CAST: variants seen among roughly 807,000 people sequenced by gnomAD.
CAST encodes the protein calpastatin.
A neutral mutation model predicts 119.6 loss-of-function variants in CAST; 76 were observed. That is an observed-to-expected ratio of 0.64 (90% CI 0.53 to 0.77). The LOEUF (loss-of-function observed/expected upper bound fraction) is 0.77. Among genes scored for constraint, CAST ranks in the 30% least tolerant of loss-of-function variants. The probability of loss-of-function intolerance (pLI) is 0.00; values close to 1 mark genes in which losing one functional copy is unlikely to be tolerated. For missense variants in CAST, 953 were observed against 946.5 expected, an observed-to-expected ratio of 1.01 and a Z score of -0.09; for synonymous variants, 319 against 331.6, an observed-to-expected ratio of 0.96 and a Z score of 0.41.
the CAST span, among the ~76,000 whole-genome samples, chr5:96,344,373 A>G: frequency 1.3e-5 from 2 of 152,056 alleles, no homozygotes; most frequent in African/African-American, 2.4e-5. Flanking sequence ...TTTTTTTCTC[A>G]TGTACTAATG....
chr5:96,426,265 G>C, the CAST span, among the ~76,000 whole-genome samples: 1 of 152,136 alleles, frequency 6.6e-6, no homozygotes, highest in East Asian at 1.9e-4. Flanking sequence ...TTTATATTGA[G>C]GTTTCAGGGC....
chr5:96,266,834 G>C, the CAST span, among the ~76,000 whole-genome samples: 1 of 152,124 alleles, frequency 6.6e-6, no homozygotes, highest in Non-Finnish European at 1.5e-5. Context: ...AGAAACCAGT[G>C]ACTGACCACA....
chr5:96,546,732 C>T (rs6556933), intron 1 of CAST, among the ~76,000 whole-genome samples: 67,276 of 151,928 alleles, frequency 0.44, 15,684 homozygotes, highest in East Asian at 0.86. Context: ...CACTCAAATC[C>T]GGCATATAAT....
At chr5:96,560,242 C>T (rs961104523) in intron 1 of CAST, among the ~76,000 whole-genome samples, 15 of 152,006 alleles carry the variant, frequency 9.9e-5, no homozygotes, top group African/African-American at 2.7e-4. Context: ...AGACCTAAAA[C>T]CATAAAAATG....
At chr5:96,564,993 T>C (rs1250039386) in intron 1 of CAST, among the ~76,000 whole-genome samples, 2 of 152,148 alleles carry the variant, frequency 1.3e-5, no homozygotes, top group Non-Finnish European at 2.9e-5. Flanking sequence ...AGCTATGCCC[T>C]TAGTTTACTT....
chr5:96,585,356 A>G (rs1341827179), intron 1 of CAST, among the ~76,000 whole-genome samples: 4 of 152,184 alleles, frequency 2.6e-5, no homozygotes, highest in Non-Finnish European at 5.9e-5. Flanking sequence ...ACCTGCCAAC[A>G]GAACAATTCC....
chr5:96,170,401 T>A, the CAST span, among the ~76,000 whole-genome samples: 1 of 152,178 alleles, frequency 6.6e-6, no homozygotes. Context: ...CGTTTGGAGT[T>A]CTTGTGTGCT....
At chr5:96,582,397 C>T (rs6895380) in intron 1 of CAST, among the ~76,000 whole-genome samples, 104 of 152,242 alleles carry the variant, frequency 6.8e-4, no homozygotes, top group African/African-American at 2.4e-3. Flanking sequence ...AAACAAGATC[C>T]GTATTTCAGA....
the CAST span, among the ~76,000 whole-genome samples, chr5:96,298,501 C>T: frequency 6.6e-6 from 1 of 152,054 alleles, no homozygotes; most frequent in Non-Finnish European, 1.5e-5. Context: ...GTACTTATTT[C>T]TGTGTATTGC....
chr5:96,710,844 T>G (rs1295791807), intron 3 of CAST, among the ~76,000 whole-genome samples: 5 of 152,002 alleles, frequency 3.3e-5, no homozygotes, highest in Non-Finnish European at 1.5e-5. Context: ...CTTGGGATTT[T>G]AGCCCTAATG....
intron 2 of CAST, among the ~76,000 whole-genome samples, chr5:96,686,343 A>G (rs1157374178): frequency 6.6e-6 from 1 of 152,182 alleles, no homozygotes; most frequent in Non-Finnish European, 1.5e-5. Context: ...AAAAGAGTGT[A>G]GAGAGAGAAG....
chr5:96,394,419 C>T, the CAST span, among the ~76,000 whole-genome samples: 2 of 152,288 alleles, frequency 1.3e-5, no homozygotes, highest in South Asian at 4.1e-4. Context: ...AAGAAGCCTA[C>T]ATGATTTGGC....
At chr5:96,128,872 C>T in the CAST span, among the ~76,000 whole-genome samples, 1 of 152,072 alleles carries the variant, frequency 6.6e-6, no homozygotes, top group Non-Finnish European at 1.5e-5. Context: ...ATGTACAGGA[C>T]ATCTTAAGAT....
chr5:96,050,065 G>A, the CAST span: 45 of 152,232 alleles, frequency 3.0e-4, no homozygotes, highest in African/African-American at 1.1e-3. Flanking sequence ...GTCAGCTAAG[G>A]TTTGCACTGG....
chr5:96,619,981 GACA>G (rs555534402), intron 1 of CAST, among the ~76,000 whole-genome samples: 4 of 152,198 alleles, frequency 2.6e-5, no homozygotes, highest in Non-Finnish European at 5.9e-5. Context: ...GTAAAATAAA[GACA>G]ACACCCATAT....
intron 16 of CAST, chr5:96,743,464 A>G (rs1211357526): frequency 2.1e-6 from 2 of 940,434 alleles, no homozygotes; most frequent in Non-Finnish European, 3.1e-6. Flanking sequence ...TGGGATCCCC[A>G]GGAGCCCGCC....
the CAST span, among the ~76,000 whole-genome samples, chr5:96,494,049 C>A: frequency 2.0e-5 from 3 of 152,050 alleles, no homozygotes; most frequent in African/African-American, 7.2e-5. Context: ...AACTAACTAA[C>A]TAACTAAATA....
chr5:96,400,222 A>G, the CAST span: 2 of 1,476,386 alleles, frequency 1.4e-6, no homozygotes, highest in Non-Finnish European at 1.9e-6. Flanking sequence ...CTTTCAGAGA[A>G]AAATGAAGTT....
chr5:96,471,129 T>C, the CAST span, among the ~76,000 whole-genome samples: 2 of 152,068 alleles, frequency 1.3e-5, no homozygotes, highest in Admixed American at 1.3e-4. Flanking sequence ...ACAAACCAGA[T>C]TGAAGACAGG....
Sources: allele counts gnomAD v4.1 joint callset (sites outside exome capture counted in the v4.1 genomes callset), GRCh38; gene constraint gnomAD v4.1.1; transcripts MANE v1.5; gene names NCBI Gene and HGNC (gene_info 2026-07-23, HGNC 2026-07-21).